PHACTR1: variants seen among roughly 807,000 people sequenced by gnomAD.
PHACTR1 encodes RPEL repeat containing 1.
PHACTR1 carries 16 observed loss-of-function variants against 69.2 expected under a neutral mutation model. That is an observed-to-expected ratio of 0.23 (90% CI 0.16 to 0.35). PHACTR1 has a LOEUF of 0.35. Among genes scored for constraint, PHACTR1 ranks in the 10% least tolerant of loss-of-function variants. The probability of loss-of-function intolerance (pLI) is 1.00; values close to 1 mark genes in which losing one functional copy is unlikely to be tolerated. For synonymous variants in PHACTR1, 312 were observed against 284.5 expected, an observed-to-expected ratio of 1.10 and a Z score of -0.97; for missense variants, 510 against 734.7, an observed-to-expected ratio of 0.69 and a Z score of 3.54.
chr6:13,003,400 A>G (rs556303583), intron 4 of PHACTR1, among the ~76,000 whole-genome samples: 1 of 152,328 alleles, frequency 6.6e-6, no homozygotes, highest in African/African-American at 2.4e-5. Flanking sequence ...AAAATAAATT[A>G]CAAGATTTGA....
intron 5 of PHACTR1, among the ~76,000 whole-genome samples, chr6:13,065,703 A>G (rs902115230): frequency 6.6e-6 from 1 of 152,182 alleles, no homozygotes; most frequent in African/African-American, 2.4e-5. Context: ...TTGCCTTAAC[A>G]TGGCTGTGGC....
chr6:13,262,210 A>C (rs1452747485), intron 10 of PHACTR1, among the ~76,000 whole-genome samples: 1 of 152,138 alleles, frequency 6.6e-6, no homozygotes, highest in Non-Finnish European at 1.5e-5. Context: ...TTGGTGGTTG[A>C]TTGGCCATCA....
At chr6:12,829,581 CTCT>C (rs1202790905) in intron 4 of PHACTR1, among the ~76,000 whole-genome samples, 1 of 152,076 alleles carries the variant, frequency 6.6e-6, no homozygotes, top group Non-Finnish European at 1.5e-5. Flanking sequence ...GTAGTTGAAA[CTCT>C]TTAAAATAGC....
chr6:13,253,679 C>G (rs1774801984), intron 10 of PHACTR1, among the ~76,000 whole-genome samples: 1 of 152,162 alleles, frequency 6.6e-6, no homozygotes, highest in Non-Finnish European at 1.5e-5. Flanking sequence ...AGCAAAAGAC[C>G]TGCTTTAGAC....
At chr6:12,814,120 T>C (rs1775317568) in intron 4 of PHACTR1, among the ~76,000 whole-genome samples, 1 of 152,222 alleles carries the variant, frequency 6.6e-6, no homozygotes, top group Non-Finnish European at 1.5e-5. Context: ...TTCTGTTCTC[T>C]CATGTCCCCT....
intron 5 of PHACTR1, among the ~76,000 whole-genome samples, chr6:13,099,617 C>T: frequency 6.6e-6 from 1 of 152,098 alleles, no homozygotes; most frequent in East Asian, 1.9e-4. Flanking sequence ...TGGGTGTATA[C>T]CCTTTTACCT....
intron 5 of PHACTR1, among the ~76,000 whole-genome samples, chr6:13,128,393 A>AT (rs200768402): frequency 9.3e-5 from 14 of 150,572 alleles, no homozygotes; most frequent in East Asian, 2.0e-4. Context: ...ACTTAAATAA[A>AT]TTTTTTTTTA....
At position 12,822,294 on chromosome 6, in the gene PHACTR1, G is replaced by A. The variant is rs1561915534; in HGVS notation, c.250+72504G>A. On this transcript the variant is annotated intron_variant, in intron 4 of 14. Transcript: ENST00000332995. The stretch of plus-strand genomic sequence containing the variant: ...TGGTCTTTGCTACAGAGAGCCACCT[G>A]GAAGGACAGAGTCCCCAACAGGGAG... Among the ~76,000 whole-genome samples, 3 of 152,312 alleles carry A rather than the reference G, an allele frequency of 2.0e-5. No individual in the cohort carries two copies. The East Asian group carries it at 5.8e-4, about 29-fold the overall frequency.
At chr6:13,286,950 A>C in intron 14 of PHACTR1, 113 bp from the exon 15 acceptor site, 5 of 1,099,544 alleles carry the variant, frequency 4.5e-6, no homozygotes, top group Non-Finnish European at 6.7e-6. Context: ...GACGGTGGGA[A>C]GCTCGCACCT....
intron 7 of PHACTR1, among the ~76,000 whole-genome samples, chr6:13,195,213 C>A (rs746615972): frequency 6.6e-6 from 1 of 152,272 alleles, no homozygotes; most frequent in Non-Finnish European, 1.5e-5. Flanking sequence ...GCTAGACTCT[C>A]ATTTCTGTTC....
At chr6:12,837,300 G>A (rs1778261993) in intron 4 of PHACTR1, among the ~76,000 whole-genome samples, 1 of 152,170 alleles carries the variant, frequency 6.6e-6, no homozygotes, top group Non-Finnish European at 1.5e-5. Flanking sequence ...AATATTGCTA[G>A]AGATATAAAT....
intron 4 of PHACTR1, among the ~76,000 whole-genome samples, chr6:12,884,169 A>T (rs1173315746): frequency 6.6e-6 from 1 of 151,888 alleles, no homozygotes; most frequent in Non-Finnish European, 1.5e-5. Flanking sequence ...CATACATACA[A>T]ACATGTTCTC....
At chr6:13,078,546 A>AG (rs1810895014) in intron 5 of PHACTR1, among the ~76,000 whole-genome samples, 1 of 152,200 alleles carries the variant, frequency 6.6e-6, no homozygotes, top group Non-Finnish European at 1.5e-5. Flanking sequence ...TGCTCTCAAA[A>AG]GATAGCCAGG....
At position 12,914,434 on chromosome 6, in the gene PHACTR1, G is replaced by A. The variant is rs145422433; in HGVS notation, c.251-138931G>A. 3.2e-3 allele frequency among the ~76,000 whole-genome samples: 481 copies of A among 152,142 alleles called. 3 individuals are homozygous for A. The highest frequency in any genetic ancestry group is 0.011 in the African/African-American group (461 of 41,504). ...TCCTAAGGATTCCATTCTTGACCTCGCTTAGCTCTGAAACTGTATGTCCGC... is the reference window on the plus strand; with the variant it reads ...TCCTAAGGATTCCATTCTTGACCTCACTTAGCTCTGAAACTGTATGTCCGC... On this transcript the variant is annotated intron_variant, in intron 4 of 14. Coordinates refer to ENST00000332995, the MANE Select transcript of PHACTR1 (RefSeq NM_030948.6).
intron 5 of PHACTR1, among the ~76,000 whole-genome samples, chr6:13,114,179 C>G (rs1817467972): frequency 1.3e-5 from 2 of 152,294 alleles, no homozygotes; most frequent in East Asian, 1.9e-4. Flanking sequence ...TCTCCCTCTC[C>G]TCTGCCAAGA....
In PHACTR1 at chr6:13,230,156, C is replaced by G; in HGVS notation, c.1354C>G (p.Leu452Val). Reference sequence around the variant, plus strand: ...TCCCAGGCAGACGGATGAGGAGCGGCTGGAGCTGAGGCAACAGATTGGCAC... The same window carrying G: ...TCCCAGGCAGACGGATGAGGAGCGGGTGGAGCTGAGGCAACAGATTGGCAC... Reference protein sequence around the residue: ...ILPRQTDEERLELRQQIGTKL... With the variant: ...ILPRQTDEERVELRQQIGTKL... Residue 452 changes from leucine (L) to valine (V), a missense_variant, in exon 10 of 15, where the codon CTG (leucine) becomes GTG (valine). This residue lies in a region of PHACTR1 where 91 missense variants were observed against 203.8 expected (regional missense o/e 0.45). Transcript: ENST00000332995. 6.2e-7 allele frequency: 1 copy of G among 1,611,436 alleles called. No homozygotes were observed. Among genetic ancestry groups the G allele is most frequent in the Non-Finnish European group, 8.5e-7 (1 of 1,179,014 alleles).
At chr6:12,856,125 C>CT (rs1283906186) in intron 4 of PHACTR1, among the ~76,000 whole-genome samples, 1 of 152,176 alleles carries the variant, frequency 6.6e-6, no homozygotes, top group Non-Finnish European at 1.5e-5. Flanking sequence ...AACTACAGCC[C>CT]TATCTTCTTG....
At chr6:13,006,379 G>A (rs953035579) in intron 4 of PHACTR1, among the ~76,000 whole-genome samples, 1 of 152,164 alleles carries the variant, frequency 6.6e-6, no homozygotes, top group Non-Finnish European at 1.5e-5. Flanking sequence ...TCAGTGGAAT[G>A]TTTAGAGACA....
chr6:13,231,178 G>A (rs1357003034), intron 10 of PHACTR1, among the ~76,000 whole-genome samples: 4 of 86,370 alleles, frequency 4.6e-5, no homozygotes, highest in South Asian at 3.3e-4. Context: ...AGAGGAGGAG[G>A]GAGGGAGGGA....
Sources: allele counts gnomAD v4.1 joint callset (sites outside exome capture counted in the v4.1 genomes callset), GRCh38; gene constraint gnomAD v4.1.1; regional missense constraint gnomAD v4.1.1; transcripts MANE v1.5; gene names NCBI Gene and HGNC (gene_info 2026-07-23, HGNC 2026-07-21).